The following CLDN16 variants were observed in gnomAD, a reference collection of about 807,000 sequenced individuals.
The protein encoded by CLDN16 is claudin-16.
A neutral mutation model predicts 24.6 loss-of-function variants in CLDN16; 13 were observed. The observed-to-expected ratio is 0.53, with a 90% confidence interval of 0.34 to 0.84. The LOEUF (loss-of-function observed/expected upper bound fraction) is 0.84. Among genes scored for constraint, CLDN16 ranks in the 40% least tolerant of loss-of-function variants. CLDN16 has a pLI of 0.01. For missense variants in CLDN16, 298 were observed against 292.7 expected (o/e 1.02, Z -0.13); for synonymous variants, 116 against 106.7 (o/e 1.09, Z -0.54).
chr3:190,349,762 A>G (rs74800639), intron 1 of CLDN16, among the ~76,000 whole-genome samples: 4,619 of 152,258 alleles, frequency 0.03, 115 homozygotes, highest in East Asian at 0.084. Context: ...TGCCATTACC[A>G]TGAGAAGAAC....
chr3:190,310,881 T>C, the CLDN16 span, among the ~76,000 whole-genome samples: 14 of 152,310 alleles, frequency 9.2e-5, no homozygotes, highest in Non-Finnish European at 2.1e-4. Flanking sequence ...TCCCATGGCA[T>C]TTTATATTCA....
At chr3:190,364,164 C>A (rs1717969161) in intron 1 of CLDN16, among the ~76,000 whole-genome samples, 1 of 151,782 alleles carries the variant, frequency 6.6e-6, no homozygotes, top group African/African-American at 2.4e-5. Context: ...AGGACACCCA[C>A]ATGTGAGTAC....
rs76762919 is a variant in CLDN16, at chr3:190,355,771, C to A, written n.122-15122C>A. Among the ~76,000 whole-genome samples, 11 of 151,546 alleles carry A rather than the reference C, an allele frequency of 7.3e-5. No homozygotes were observed. In the East Asian group the frequency reaches 2.1e-3, roughly 30 times the overall value. ...ATGCACATAGCCAATGCCAGATTAC[C>A]CATATAAAAGAAAAATAGCAATATA... On this transcript the variant is annotated intron_variant and non_coding_transcript_variant, in intron 1 of 4. Transcript: ENST00000468220.
At chr3:190,383,882 T>C (rs187285539), upstream of CLDN16, among the ~76,000 whole-genome samples, 740 of 152,340 alleles carry the variant, frequency 4.9e-3, 6 homozygotes, top group African/African-American at 0.017. Context: ...AAAATCATAC[T>C]AACTACAATT....
chr3:190,408,648 A>G (rs553729526), intron 4 of CLDN16, 143 bp downstream of exon 4: 1 of 759,996 alleles, frequency 1.3e-6, no homozygotes, highest in South Asian at 1.7e-5. Flanking sequence ...GTTCAAGGGC[A>G]ATTGAATTGT....
chr3:190,306,152 C>T, the CLDN16 span: 1 of 152,372 alleles, frequency 6.6e-6, no homozygotes, highest in East Asian at 1.9e-4. Flanking sequence ...GAGGGCATCA[C>T]TGAACAGATA....
intron 1 of CLDN16, among the ~76,000 whole-genome samples, chr3:190,356,732 T>C (rs1359201365): frequency 6.6e-6 from 1 of 151,946 alleles, no homozygotes; most frequent in African/African-American, 2.4e-5. Context: ...AATGTCCTAC[T>C]GAAATAAATA....
intron 1 of CLDN16, among the ~76,000 whole-genome samples, chr3:190,360,144 G>A (rs1717857550): frequency 6.6e-6 from 1 of 151,944 alleles, no homozygotes; most frequent in African/African-American, 2.4e-5. Context: ...TGCAAACCAA[G>A]TATAGATGCC....
the CLDN16 span, among the ~76,000 whole-genome samples, chr3:190,296,489 A>G: frequency 6.6e-6 from 1 of 152,020 alleles, no homozygotes; most frequent in African/African-American, 2.4e-5. Flanking sequence ...CCAGGTCAAG[A>G]TGGTCTAGGA....
chr3:190,312,631 A>C, the CLDN16 span, among the ~76,000 whole-genome samples: 1 of 151,174 alleles, frequency 6.6e-6, no homozygotes, highest in Non-Finnish European at 1.5e-5. Context: ...ACTGGAAGAG[A>C]CTGGTTCTAA....
At chr3:190,390,783 G>GTTTTTA (rs1202617520) in intron 1 of CLDN16, among the ~76,000 whole-genome samples, 5 of 151,886 alleles carry the variant, frequency 3.3e-5, no homozygotes, top group African/African-American at 1.2e-4. Flanking sequence ...CTCACTTTAT[G>GTTTTTA]TTTTTATTTT....
At chr3:190,294,206 C>A in the CLDN16 span, among the ~76,000 whole-genome samples, 2 of 152,128 alleles carry the variant, frequency 1.3e-5, no homozygotes, top group Non-Finnish European at 2.9e-5. Flanking sequence ...CAAATCTCAA[C>A]CATGTCTCAT....
At chr3:190,367,126 G>C (rs1462478811) in intron 1 of CLDN16, among the ~76,000 whole-genome samples, 1 of 151,822 alleles carries the variant, frequency 6.6e-6, no homozygotes, top group South Asian at 2.1e-4. Context: ...CCTTTGATTA[G>C]AGACACTCAT....
intron 1 of CLDN16, among the ~76,000 whole-genome samples, chr3:190,332,993 C>A (rs1365505951): frequency 6.6e-6 from 1 of 152,020 alleles, no homozygotes; most frequent in Non-Finnish European, 1.5e-5. Context: ...AATTTTTATC[C>A]CCCTGCTTTA....
intron 1 of CLDN16, among the ~76,000 whole-genome samples, chr3:190,363,556 G>GTGTGTGTGTGTGTATATATATATA (rs1301414615): frequency 1.1e-5 from 1 of 87,430 alleles, no homozygotes; most frequent in African/African-American, 4.7e-5. Flanking sequence ...GTGTGTGTGT[G>GTGTGTGTGTGTGTATATATATATA]TATATATATA....
chr3:190,297,607 TATA>T, the CLDN16 span, among the ~76,000 whole-genome samples: 1,808 of 137,326 alleles, frequency 0.013, 44 homozygotes, highest in African/African-American at 0.045. Flanking sequence ...AATATATATC[TATA>T]ATATCTATAA....
chr3:190,298,375 A>ACC, the CLDN16 span, among the ~76,000 whole-genome samples: 1 of 149,324 alleles, frequency 6.7e-6, no homozygotes, highest in Non-Finnish European at 1.5e-5. Flanking sequence ...ACACACACAC[A>ACC]CCTTAACAAT....
chr3:190,376,278 A>G (rs952287767), intron 3 of CLDN16, among the ~76,000 whole-genome samples: 1 of 151,924 alleles, frequency 6.6e-6, no homozygotes, highest in Non-Finnish European at 1.5e-5. Flanking sequence ...TTGTATTCTG[A>G]GAATATTAAT....
At chr3:190,313,438 T>C in the CLDN16 span, among the ~76,000 whole-genome samples, 2 of 152,244 alleles carry the variant, frequency 1.3e-5, no homozygotes, top group Admixed American at 1.3e-4. Context: ...GTTAACTATT[T>C]GTAATCAAAA....
Sources: allele counts gnomAD v4.1 joint callset (sites outside exome capture counted in the v4.1 genomes callset), GRCh38; gene constraint gnomAD v4.1.1; transcripts MANE v1.5; gene names NCBI Gene and HGNC (gene_info 2026-07-23, HGNC 2026-07-21).